Variants in LNPEP observed in about 807,000 individuals in gnomAD.
LNPEP encodes leucyl and cystinyl aminopeptidase, also known as leucyl-cystinyl aminopeptidase.
A neutral mutation model predicts 120.6 loss-of-function variants in LNPEP; 64 were observed. That is an observed-to-expected ratio of 0.53 (90% CI 0.43 to 0.65). LNPEP has a LOEUF of 0.65. Among genes scored for constraint, LNPEP ranks in the 30% least tolerant of loss-of-function variants. The probability of loss-of-function intolerance (pLI) is 0.00; values close to 1 mark genes in which losing one functional copy is unlikely to be tolerated. For synonymous variants in LNPEP, 435 were observed against 425.4 expected, an observed-to-expected ratio of 1.02 and a Z score of -0.28; for missense variants, 1,057 against 1,200.0, an observed-to-expected ratio of 0.88 and a Z score of 1.76.
intron 1 of LNPEP, among the ~76,000 whole-genome samples, chr5:96,943,552 G>T (rs1256280416): frequency 1.3e-5 from 2 of 152,222 alleles, no homozygotes; most frequent in African/African-American, 4.8e-5. Flanking sequence ...CTCCCCAAGT[G>T]CTGGTACTAT....
chr5:96,955,874 T>C (rs892839141), intron 1 of LNPEP, among the ~76,000 whole-genome samples: 2 of 152,246 alleles, frequency 1.3e-5, no homozygotes, highest in Non-Finnish European at 2.9e-5. Context: ...TGCTAAACTA[T>C]CTTTCAAACT....
chr5:96,972,840 AC>A (rs1416391067), intron 1 of LNPEP, among the ~76,000 whole-genome samples: 1 of 151,926 alleles, frequency 6.6e-6, no homozygotes, highest in Non-Finnish European at 1.5e-5. Flanking sequence ...CTCGCCTCCC[AC>A]CCTCAGTCAT....
In LNPEP at chr5:97,030,497, C is replaced by G. The variant is rs1402088687; in HGVS notation, c.*1964C>G. 1 of 152,062 alleles carries G rather than the reference C, an allele frequency of 6.6e-6. No individual in the cohort carries two copies. The highest frequency in any genetic ancestry group is 1.9e-4 in the East Asian group (1 of 5,192). The allele number at this position is 152,062 out of a possible 1,614,324, so 9.4% of individuals were successfully genotyped here. ...TTTAAATTTTGTAACTTCTCAAAAT[C>G]ACTTAAGATTCTTCAGTTTTACCTG... On this transcript the variant is annotated 3_prime_UTR_variant, in exon 18 of 18. Transcript: ENST00000231368.
At chr5:96,972,174 A>C (rs1789883073) in intron 1 of LNPEP, among the ~76,000 whole-genome samples, 1 of 152,058 alleles carries the variant, frequency 6.6e-6, no homozygotes, top group South Asian at 2.1e-4. Flanking sequence ...TTTAAGGCAG[A>C]TCTGTGGAAA....
chr5:96,992,982 T>C (rs768741620), intron 4 of LNPEP, 33 bp from the exon 5 acceptor site: 2 of 1,505,828 alleles, frequency 1.3e-6, no homozygotes, highest in Admixed American at 4.4e-5. Context: ...TAATTGTACC[T>C]GTCCTTGCAT....
intron 1 of LNPEP, among the ~76,000 whole-genome samples, chr5:96,963,214 A>T (rs756935140): frequency 1.3e-5 from 2 of 152,220 alleles, no homozygotes; most frequent in Admixed American, 1.3e-4. Flanking sequence ...ATAGTATACC[A>T]AAACATTAAT....
Position 97,003,354 on chromosome 5 carries a change from A to T in LNPEP, c.1654-61A>T, listed in dbSNP as rs560516348. 25 of 1,003,634 alleles carry T rather than the reference A, an allele frequency of 2.5e-5. 1 individual carries two copies. The South Asian group carries it at 4.6e-4, about 19-fold the overall frequency. 62.2% of individuals were successfully genotyped at this position (1,003,634 alleles called of 1,614,324 possible). ...CTGTAGTTTGAATTTTAGATTCCCA[A>T]TTCGATAATCTATAGTATTCTATTA... is the stretch of plus-strand genomic sequence containing the variant. On this transcript the variant is annotated intron_variant, in intron 8 of 17. Coordinates refer to ENST00000231368, the MANE Select transcript of LNPEP (RefSeq NM_005575.3).
chr5:96,988,489 C>T (rs1489757192), intron 4 of LNPEP, among the ~76,000 whole-genome samples: 1 of 151,724 alleles, frequency 6.6e-6, no homozygotes, highest in Non-Finnish European at 1.5e-5. Context: ...CAGGTGCCCT[C>T]CACCACGCCC....
chr5:96,956,355 A>G (rs755306728), intron 1 of LNPEP, among the ~76,000 whole-genome samples: 5 of 152,184 alleles, frequency 3.3e-5, no homozygotes, highest in African/African-American at 4.8e-5. Flanking sequence ...TGTCTCTGCC[A>G]AAAATACAAA....
At chr5:97,023,607 C>T (rs1195511354) in intron 14 of LNPEP, among the ~76,000 whole-genome samples, 4 of 152,086 alleles carry the variant, frequency 2.6e-5, no homozygotes, top group Non-Finnish European at 5.9e-5. Context: ...GTATATACCA[C>T]ATTTTGTTTA....
In LNPEP at chr5:96,954,774, T is replaced by TA. The variant is rs1789420814; in HGVS notation, c.19+18600_19+18601insA. ...CATATATATATATATATATATATAT[T>TA]TTTTTTTTTTTTTTTTTTTTTTTTT... On this transcript the variant is annotated intron_variant, in intron 1 of 17. Transcript: ENST00000231368. 9.6e-4 allele frequency among the ~76,000 whole-genome samples: 18 copies of TA among 18,658 alleles called. 1 individual carries two copies. Among genetic ancestry groups the TA allele is most frequent in the South Asian group, 2.0e-3 (1 of 494 alleles). 12.2% of individuals were successfully genotyped at this position (18,658 alleles called of 152,430 possible).
At chr5:97,012,414 A>G (rs1396216509) in intron 11 of LNPEP, among the ~76,000 whole-genome samples, 1 of 152,172 alleles carries the variant, frequency 6.6e-6, no homozygotes, top group African/African-American at 2.4e-5. Flanking sequence ...GGGGGTAAAA[A>G]TTATATAATA....
chr5:96,982,798 C>T (rs1790155776), intron 2 of LNPEP, among the ~76,000 whole-genome samples: 1 of 151,938 alleles, frequency 6.6e-6, no homozygotes, highest in South Asian at 2.1e-4. Flanking sequence ...AAAGCAAAAA[C>T]AAAAGAATAC....
chr5:96,947,587 A>T (rs993220711), intron 1 of LNPEP, among the ~76,000 whole-genome samples: 3 of 152,208 alleles, frequency 2.0e-5, no homozygotes, highest in Non-Finnish European at 4.4e-5. Context: ...GATGTCCTTT[A>T]GACAGATTTT....
intron 17 of LNPEP, 49 bp from the exon 18 acceptor site, chr5:97,028,353 G>T (rs1353323949): frequency 6.3e-7 from 1 of 1,587,338 alleles, no homozygotes; most frequent in Non-Finnish European, 8.6e-7. Context: ...GTTACCTGAG[G>T]TTTATCGTCC....
At chr5:96,969,079 A>T (rs1789798300) in intron 1 of LNPEP, among the ~76,000 whole-genome samples, 1 of 152,098 alleles carries the variant, frequency 6.6e-6, no homozygotes, top group East Asian at 1.9e-4. Context: ...ATTACCTCAA[A>T]TGAAGTAAGA....
chr5:96,969,389 G>A (rs1389079257), intron 1 of LNPEP, among the ~76,000 whole-genome samples: 4 of 151,794 alleles, frequency 2.6e-5, no homozygotes, highest in Non-Finnish European at 4.4e-5. Context: ...AGAACATACT[G>A]TATTTTTCTA....
At chr5:96,965,837 G>A (rs996697244) in intron 1 of LNPEP, among the ~76,000 whole-genome samples, 2 of 152,042 alleles carry the variant, frequency 1.3e-5, no homozygotes, top group African/African-American at 2.4e-5. Flanking sequence ...TTTTACTGAA[G>A]GCAATGACTT....
chr5:96,943,786 A>G (rs10051637), intron 1 of LNPEP, among the ~76,000 whole-genome samples: 61,399 of 152,130 alleles, frequency 0.4, 12,479 homozygotes, highest in Non-Finnish European at 0.43. Flanking sequence ...GTTCAATTGT[A>G]GGAGACTTTT....
Sources: gnomAD v4.1 joint callset for allele counts (sites outside exome capture counted in the v4.1 genomes callset) on GRCh38, gnomAD v4.1.1 for gene constraint, MANE v1.5 for transcripts, NCBI Gene and HGNC (gene_info 2026-07-23, HGNC 2026-07-21) for gene names.